The following ACAD11 variants were observed in gnomAD, a reference collection of about 807,000 sequenced individuals.
ACAD11 encodes the protein acyl-CoA dehydrogenase family member 11.
Under a neutral mutation model 102.2 loss-of-function variants are expected in ACAD11, and 83 were observed. That is an observed-to-expected ratio of 0.81 (90% CI 0.68 to 0.97). The LOEUF (loss-of-function observed/expected upper bound fraction) is 0.97. Ranked by LOEUF, ACAD11 falls within the 50% of genes least tolerant of loss-of-function variation. ACAD11 has a pLI of 0.00. For missense variants in ACAD11, 901 were observed against 951.7 expected, an observed-to-expected ratio of 0.95 and a Z score of 0.70; for synonymous variants, 324 against 319.8, an observed-to-expected ratio of 1.01 and a Z score of -0.14.
chr3:132,614,261 T>C (rs1248281138), intron 11 of ACAD11, among the ~76,000 whole-genome samples: 1 of 152,176 alleles, frequency 6.6e-6, no homozygotes, highest in African/African-American at 2.4e-5. Flanking sequence ...AAGTAATTTA[T>C]AGATTCAATG....
chr3:132,559,817 A>G lies in ACAD11; in HGVS notation c.2228+16T>C, dbSNP rs1225648705. The G allele has an allele frequency of 6.2e-7, 1 of 1,601,588 alleles. No individual in the cohort carries two copies. The highest frequency in any genetic ancestry group is 8.5e-7 in the Non-Finnish European group (1 of 1,170,318). The stretch of plus-strand genomic sequence containing the variant: ...GCCTATCAAACGTAGATGATTCTTA[A>G]ATGACATCTACTCACATGTTAGCCA... On this transcript the variant is annotated intron_variant, in intron 19 of 19. Transcript: ENST00000264990.
intron 17 of ACAD11, among the ~76,000 whole-genome samples, chr3:132,563,353 G>T (rs55921337): frequency 0.037 from 5,607 of 152,102 alleles, 157 homozygotes; most frequent in African/African-American, 0.08. Flanking sequence ...GTCCTTTTGG[G>T]ACTGTGATTG....
intron 9 of ACAD11, among the ~76,000 whole-genome samples, chr3:132,625,914 C>T (rs948008238): frequency 1.5e-4 from 23 of 152,290 alleles, no homozygotes; most frequent in African/African-American, 5.3e-4. Flanking sequence ...TAACACAAGG[C>T]CACCAAACTT....
chr3:132,616,548 T>C (rs1159148475), intron 11 of ACAD11, among the ~76,000 whole-genome samples: 2 of 151,978 alleles, frequency 1.3e-5, no homozygotes, highest in African/African-American at 4.8e-5. Flanking sequence ...AGAGAAACTC[T>C]TGTTTTGTGA....
chr3:132,653,950 A>G (rs1270823081), intron 1 of ACAD11, among the ~76,000 whole-genome samples: 1 of 152,160 alleles, frequency 6.6e-6, no homozygotes, highest in Non-Finnish European at 1.5e-5. Context: ...TCTAGTCCAG[A>G]TCTCTGCCCC....
chr3:132,628,142 T>G (rs1339605393), intron 8 of ACAD11, among the ~76,000 whole-genome samples, 198 bp downstream of exon 8: 1 of 152,226 alleles, frequency 6.6e-6, no homozygotes, highest in Non-Finnish European at 1.5e-5. Flanking sequence ...CTTTTAAACC[T>G]AAATACGGAG....
intron 13 of ACAD11, among the ~76,000 whole-genome samples, chr3:132,594,076 C>A (rs1219588884): frequency 1.3e-5 from 2 of 152,170 alleles, no homozygotes; most frequent in Non-Finnish European, 2.9e-5. Context: ...CTAGTTTCAC[C>A]ATGATTCATA....
At position 132,644,866 on chromosome 3, in the gene ACAD11, G is replaced by A; in HGVS notation, c.180C>T (p.Leu60=). ...GCACATATGTTTGAAAGCCCTTCTG[G>A]AGATAAAAGGTTGGATTGGACTTTC... ...RAGKSNPTFY[L]QKGFQTYVLR... is the part of the protein sequence containing the mutation. Residue 60 remains leucine, a synonymous_variant, in exon 2 of 20, where the codon CTC becomes CTT. Transcript: ENST00000264990. 3 of 1,611,224 alleles carry A rather than the reference G, an allele frequency of 1.9e-6. No homozygotes were observed. The highest frequency in any genetic ancestry group is 2.5e-6 in the Non-Finnish European group (3 of 1,178,994).
intron 13 of ACAD11, chr3:132,600,486 T>C (rs769995139): frequency 1.2e-6 from 2 of 1,613,852 alleles, no homozygotes; most frequent in Non-Finnish European, 1.7e-6. Context: ...TATGAACTGA[T>C]CTGTATCAAA....
chr3:132,632,042 T>C (rs751260265), intron 5 of ACAD11, among the ~76,000 whole-genome samples: 2 of 152,056 alleles, frequency 1.3e-5, no homozygotes, highest in East Asian at 1.9e-4. Context: ...GCTTCCCTCA[T>C]TCTACCTTGT....
intron 13 of ACAD11, among the ~76,000 whole-genome samples, chr3:132,581,781 C>A (rs551467080): frequency 1.5e-3 from 227 of 151,886 alleles, no homozygotes; most frequent in African/African-American, 5.3e-3. Flanking sequence ...CTCAGAATGG[C>A]CCAGGTGATT....
intron 13 of ACAD11, among the ~76,000 whole-genome samples, chr3:132,593,734 A>G (rs1479063253): frequency 6.6e-6 from 1 of 152,174 alleles, no homozygotes; most frequent in Non-Finnish European, 1.5e-5. Context: ...GCAAAATGAC[A>G]GTACAAGAGG....
intron 13 of ACAD11, among the ~76,000 whole-genome samples, chr3:132,602,395 A>G (rs952501001): frequency 5.3e-5 from 8 of 152,148 alleles, no homozygotes; most frequent in Non-Finnish European, 1.0e-4. Context: ...TTAACTTCCT[A>G]AAGAATTCAT....
chr3:132,643,644 C>T (rs1003702175), intron 2 of ACAD11, among the ~76,000 whole-genome samples: 2 of 151,782 alleles, frequency 1.3e-5, no homozygotes, highest in African/African-American at 2.4e-5. Flanking sequence ...AGGAAAGTAA[C>T]GAAACCCATG....
chr3:132,559,552 C>T (rs747975343), intron 19 of ACAD11, among the ~76,000 whole-genome samples: 1 of 152,050 alleles, frequency 6.6e-6, no homozygotes, highest in African/African-American at 2.4e-5. Flanking sequence ...TAGTCACTGA[C>T]ATGTCCTGCT....
chr3:132,585,568 A>G (rs1489322135), intron 13 of ACAD11, among the ~76,000 whole-genome samples: 2 of 152,234 alleles, frequency 1.3e-5, no homozygotes, highest in East Asian at 3.8e-4. Context: ...ACAGAATGGG[A>G]GAAAATTTTT....
At chr3:132,642,547 G>T in intron 3 of ACAD11, 130 bp downstream of exon 3, 1 of 1,048,472 alleles carries the variant, frequency 9.5e-7, no homozygotes, top group Non-Finnish European at 1.3e-6. Flanking sequence ...GTAAACCTTT[G>T]CAATGCAATC....
chr3:132,607,097 T>A (rs1415218486), intron 11 of ACAD11, among the ~76,000 whole-genome samples: 1 of 151,958 alleles, frequency 6.6e-6, no homozygotes, highest in Non-Finnish European at 1.5e-5. Flanking sequence ...AAAGGACACC[T>A]ACACAAAAAC....
intron 14 of ACAD11, 155 bp from the exon 15 acceptor site, chr3:132,579,036 T>C (rs779574955): frequency 4.0e-6 from 6 of 1,514,398 alleles, no homozygotes; most frequent in Non-Finnish European, 5.3e-6. Flanking sequence ...TACACCAACA[T>C]AGTCTGATGC....
Sources: gnomAD v4.1 joint callset for allele counts (sites outside exome capture counted in the v4.1 genomes callset) on GRCh38, gnomAD v4.1.1 for gene constraint, MANE v1.5 for transcripts, NCBI Gene and HGNC (gene_info 2026-07-23, HGNC 2026-07-21) for gene names.